Variants in TET2 observed in about 807,000 individuals in gnomAD.
TET2 encodes tet methylcytosine dioxygenase 2.
Under a neutral mutation model 142.9 loss-of-function variants are expected in TET2, and 299 were observed. That is an observed-to-expected ratio of 2.09 (90% CI 1.90 to 2.30). The LOEUF (loss-of-function observed/expected upper bound fraction) is 2.30. Ranked by LOEUF, TET2 falls within the 30% of genes most tolerant of loss-of-function variation. TET2 has a pLI of 0.00. For synonymous variants in TET2, 819 were observed against 849.0 expected (o/e 0.96, Z 0.61); for missense variants, 2,418 against 2,378.0 (o/e 1.02, Z -0.35).
chr4:105,261,646 C>A, intron 7 of TET2, 113 bp from the exon 8 acceptor site: 1 of 563,244 alleles, frequency 1.8e-6, no homozygotes, highest in South Asian at 3.0e-5. Context: ...ATAAAGGCAC[C>A]ATATATTGTG....
chr4:105,203,022 G>A (rs1726570986), intron 2 of TET2, among the ~76,000 whole-genome samples: 1 of 152,214 alleles, frequency 6.6e-6, no homozygotes, highest in Non-Finnish European at 1.5e-5. Context: ...AAAGACTGGA[G>A]TACTTGGATT....
Position 105,234,433 on chromosome 4 carries a change from C to G in TET2, c.491C>G (p.Thr164Ser). ...CAAGAAAATGCAGTTAAAGATTTCA[C>G]CAGTTTTTCAACACATAACTGCAGT... Reference protein sequence around the residue: ...VAQENAVKDFTSFSTHNCSGP... With the variant: ...VAQENAVKDFSSFSTHNCSGP... Residue 164 changes from threonine (T) to serine (S), a missense_variant, in exon 3 of 11, where the codon ACC becomes AGC. By Grantham distance (58) the Thr-to-Ser change is moderately conservative. Transcript: ENST00000380013. 6.2e-7 allele frequency: 1 copy of G among 1,613,928 alleles called. No individual in the cohort carries two copies. The highest frequency in any genetic ancestry group is 8.5e-7 in the Non-Finnish European group (1 of 1,179,990).
intron 2 of TET2, among the ~76,000 whole-genome samples, chr4:105,198,613 A>G (rs1726240599): frequency 6.6e-6 from 1 of 152,208 alleles, no homozygotes; most frequent in Admixed American, 6.5e-5. Flanking sequence ...ATGTTTTCTA[A>G]ATTTATGAGA....
intron 1 of TET2, among the ~76,000 whole-genome samples, chr4:105,173,075 C>T (rs1724566790): frequency 6.6e-6 from 1 of 152,094 alleles, no homozygotes; most frequent in Non-Finnish European, 1.5e-5. Context: ...GCTTCTCAGA[C>T]CTCTCAACAA....
chr4:105,213,293 A>G (rs1465367664), intron 2 of TET2, among the ~76,000 whole-genome samples: 1 of 152,228 alleles, frequency 6.6e-6, no homozygotes, highest in African/African-American at 2.4e-5. Context: ...TCTAAGTCAT[A>G]AAGGCAGAAT....
intron 2 of TET2, among the ~76,000 whole-genome samples, chr4:105,204,228 A>T (rs531645111): frequency 0.088 from 10,646 of 121,318 alleles, 1,230 homozygotes; most frequent in African/African-American, 0.29. Flanking sequence ...AAAAAAAAAA[A>T]ATATATACAC....
chr4:105,207,046 A>G (rs1726868101), intron 2 of TET2, among the ~76,000 whole-genome samples: 2 of 152,332 alleles, frequency 1.3e-5, no homozygotes, highest in Non-Finnish European at 1.5e-5. Flanking sequence ...AGCTTCAGAG[A>G]TATAAAAAAC....
chr4:105,219,931 A>G (rs1189623136), intron 2 of TET2, among the ~76,000 whole-genome samples: 3 of 152,056 alleles, frequency 2.0e-5, no homozygotes, highest in Non-Finnish European at 4.4e-5. Context: ...TTACCACACC[A>G]CATAATTTAC....
At chr4:105,160,712 G>C (rs1184573510) in intron 1 of TET2, among the ~76,000 whole-genome samples, 1 of 152,084 alleles carries the variant, frequency 6.6e-6, no homozygotes, top group African/African-American at 2.4e-5. Context: ...TAAAATAAAG[G>C]ATCTTTTCCC....
At chr4:105,198,571 A>G (rs868245994) in intron 2 of TET2, among the ~76,000 whole-genome samples, 2 of 152,242 alleles carry the variant, frequency 1.3e-5, no homozygotes, top group South Asian at 2.1e-4. Flanking sequence ...TTATGGAGAA[A>G]GAAGCAGTAG....
In TET2 at chr4:105,200,754, G is replaced by A. The variant is rs181395205; in HGVS notation, c.-47+10249G>A. Among the ~76,000 whole-genome samples the A allele has an allele frequency of 3.3e-5, 5 of 152,046 alleles. No individual in the cohort carries two copies. The East Asian group carries it at 9.6e-4, about 29-fold the overall frequency. On this transcript the variant is annotated intron_variant, in intron 2 of 10. Transcript: ENST00000380013. ...TGGCTCATTGCAACCTCCACATTCC[G>A]GGTTCAAGCAATTCTTCTGCCTCAG...
At chr4:105,246,945 A>G (rs1439466678) in intron 6 of TET2, among the ~76,000 whole-genome samples, 1 of 152,222 alleles carries the variant, frequency 6.6e-6, no homozygotes, top group Non-Finnish European at 1.5e-5. Context: ...TTTCCATTTT[A>G]TGACTAAGTC....
At chr4:105,164,584 T>A (rs375915378) in intron 1 of TET2, among the ~76,000 whole-genome samples, 1 of 152,236 alleles carries the variant, frequency 6.6e-6, no homozygotes. Flanking sequence ...ATATACAGGC[T>A]CATAGGAAAT....
intron 2 of TET2, among the ~76,000 whole-genome samples, chr4:105,201,565 T>C (rs960022705): frequency 6.6e-6 from 1 of 151,922 alleles, no homozygotes; most frequent in Admixed American, 6.6e-5. Context: ...TTTGTGAGAG[T>C]TGTGTTTTTT....
rs142444738 is a variant in TET2, at chr4:105,174,590, G to A, written c.-192-15770G>A. ...TACAAGGAAAATTTTTGTGGGAACC[G>A]GTGCCAGGTAGGAAAACATGAACTG... is the stretch of plus-strand genomic sequence containing the variant. On this transcript the variant is annotated intron_variant, in intron 1 of 10. Coordinates refer to ENST00000380013, the MANE Select transcript of TET2 (RefSeq NM_001127208.3). 6.7e-3 allele frequency among the ~76,000 whole-genome samples: 1,023 copies of A among 152,260 alleles called. 5 individuals are homozygous for A. Among genetic ancestry groups the A allele is most frequent in the Non-Finnish European group, 0.011 (747 of 68,022 alleles).
intron 6 of TET2, among the ~76,000 whole-genome samples, chr4:105,249,250 C>T (rs1164661487): frequency 6.6e-6 from 1 of 152,160 alleles, no homozygotes; most frequent in African/African-American, 2.4e-5. Flanking sequence ...TGGTCTCAAA[C>T]TCAGCCTCAA....
At chr4:105,175,137 C>T (rs1724707064) in intron 1 of TET2, among the ~76,000 whole-genome samples, 1 of 152,122 alleles carries the variant, frequency 6.6e-6, no homozygotes, top group Non-Finnish European at 1.5e-5. Context: ...CTATTTGCAG[C>T]AGTTTCTTTT....
chr4:105,267,189 A>G (rs1730722034), intron 8 of TET2, among the ~76,000 whole-genome samples: 1 of 152,108 alleles, frequency 6.6e-6, no homozygotes, highest in Non-Finnish European at 1.5e-5. Flanking sequence ...TTTCAGACAT[A>G]CATACAAAAG....
chr4:105,212,995 A>G lies in TET2; in HGVS notation c.-46-20902A>G, dbSNP rs548262851. On this transcript the variant is annotated intron_variant, in intron 2 of 10. Transcript: ENST00000380013. ...ACAGAGTGAGAATCTGTCTCAGAGG[A>G]AAAAAAAAAATTAATTTTCCCCATT... Among the ~76,000 whole-genome samples, 56 of 149,218 alleles carry G rather than the reference A, an allele frequency of 3.8e-4. No individual in the cohort carries two copies. The East Asian group carries it at 9.6e-3, about 25-fold the overall frequency.
Sources: gnomAD v4.1 joint callset for allele counts (sites outside exome capture counted in the v4.1 genomes callset) on GRCh38, gnomAD v4.1.1 for gene constraint, MANE v1.5 for transcripts, NCBI Gene and HGNC (gene_info 2026-07-23, HGNC 2026-07-21) for gene names.